ADH1B: variants seen among roughly 807,000 people sequenced by gnomAD.
ADH1B encodes all-trans-retinol dehydrogenase [NAD(+)] ADH1B.
In ADH1B, 29 loss-of-function variants were observed where a neutral mutation model predicts 34.6. The ratio of observed to expected loss-of-function variants is 0.84; its 90% CI spans 0.62 to 1.14. The LOEUF is 1.14. ADH1B is among the 50% of genes most tolerant of loss of function. ADH1B has a pLI of 0.00. For synonymous variants in ADH1B, 170 were observed against 175.5 expected (o/e 0.97, Z 0.25); for missense variants, 424 against 468.4 (o/e 0.91, Z 0.87).
chr4:99,308,244 T>C (rs994508353), intron 8 of ADH1B, among the ~76,000 whole-genome samples: 4 of 151,778 alleles, frequency 2.6e-5, no homozygotes, highest in African/African-American at 9.7e-5. Context: ...TCTTCGTGCA[T>C]TTTCTTAAAC....
Position 99,315,919 on chromosome 4 carries a change from C to A in ADH1B, c.546G>T (p.Gly182=). 1 of 1,614,202 alleles carries A rather than the reference C, an allele frequency of 6.2e-7. No individual in the cohort carries two copies. The highest frequency in any genetic ancestry group is 8.5e-7 in the Non-Finnish European group (1 of 1,180,034). The change falls in exon 5 of 9, where the codon GGG becomes GGT. Residue 182 remains glycine, a synonymous_variant. Transcript: ENST00000305046. ...LIGCGFSTGY[G]SAVNVAKVTP... is the part of the protein sequence containing the mutation. ...TCACCTTGGCAACGTTAACTGCAGA[C>A]CCATAACCAGTCGAGAATCCACAGC...
chr4:99,307,883 G>C lies in ADH1B; in HGVS notation c.1104-19C>G, dbSNP rs1326980024. 6.2e-7 allele frequency: 1 copy of C among 1,613,818 alleles called. No individual in the cohort carries two copies. Among genetic ancestry groups the C allele is most frequent in the Non-Finnish European group, 8.5e-7 (1 of 1,179,898 alleles). On this transcript the variant is annotated intron_variant, in intron 8 of 8. Transcript: ENST00000305046. ...ACGGATACTGCAATAGGAAAGAAGA[G>C]ACATTGTGTTAACATTTAGACAACC...
At chr4:99,318,435 CTT>C in intron 2 of ADH1B, 1 of 555,802 alleles carries the variant, frequency 1.8e-6, no homozygotes, top group Non-Finnish European at 3.0e-6. Flanking sequence ...ATATTTAAGT[CTT>C]ATGTAAGAAT....
At chr4:99,311,926 A>G (rs752728119) in intron 6 of ADH1B, among the ~76,000 whole-genome samples, 22 of 152,210 alleles carry the variant, frequency 1.4e-4, no homozygotes, top group Non-Finnish European at 2.8e-4. Context: ...CAGTACTTTC[A>G]ACCAGATATT....
intron 8 of ADH1B, among the ~76,000 whole-genome samples, chr4:99,309,601 T>C (rs1733698060): frequency 6.6e-6 from 1 of 152,188 alleles, no homozygotes; most frequent in Non-Finnish European, 1.5e-5. Context: ...GTAATAATAA[T>C]GACTGATAAC....
Position 99,307,852 on chromosome 4 carries a change from G to T in ADH1B, c.1116C>A (p.Val372=). The T allele has an allele frequency of 6.2e-7, 1 of 1,613,932 alleles. No individual in the cohort carries two copies. Among genetic ancestry groups the T allele is most frequent in the South Asian group, 1.1e-5 (1 of 91,066 alleles). ...LLHSGKSIRT[V]LTF is the part of the protein sequence containing the mutation. Reference sequence around the variant, plus strand: ...CATCTCTATTGCCTCAAAACGTCAGGACGGTACGGATACTGCAATAGGAAA... The same window carrying T: ...CATCTCTATTGCCTCAAAACGTCAGTACGGTACGGATACTGCAATAGGAAA... Residue 372 remains valine (V), a synonymous_variant, in exon 9 of 9, where the codon GTC becomes GTA. Coordinates refer to ENST00000305046, the MANE Select transcript of ADH1B (RefSeq NM_000668.6).
chr4:99,307,512 A>C lies in ADH1B; in HGVS notation c.*328T>G, dbSNP rs1733639574. 2.8e-6 allele frequency: 1 copy of C among 357,340 alleles called. No individual in the cohort carries two copies. Among genetic ancestry groups the C allele is most frequent in the Admixed American group, 4.6e-5 (1 of 21,668 alleles). 22.1% of individuals were successfully genotyped at this position (357,340 alleles called of 1,614,324 possible). A position where few individuals can be genotyped will look rare whatever the true frequency, so the allele number is the denominator to read the frequency against. ...CCCCTCCACTGGGATTCGATGACTAAAGATTATGAAGATACCAAAAATGCA... is the reference window on the plus strand; with the variant it reads ...CCCCTCCACTGGGATTCGATGACTACAGATTATGAAGATACCAAAAATGCA... On this transcript the variant is annotated 3_prime_UTR_variant, in exon 9 of 9. Coordinates refer to ENST00000305046, the MANE Select transcript of ADH1B (RefSeq NM_000668.6).
At chr4:99,318,690 G>A in intron 2 of ADH1B, 95 bp downstream of exon 2, 1 of 1,155,752 alleles carries the variant, frequency 8.7e-7, no homozygotes. Flanking sequence ...GATCATATAA[G>A]ATATGCCTCT....
Position 99,313,696 on chromosome 4 carries a change from C to A in ADH1B, c.828+125G>T, listed in dbSNP as rs867745365. The A allele has an allele frequency of 2.0e-5, 30 of 1,536,350 alleles. No homozygotes were observed. In the Middle Eastern group the frequency reaches 1.7e-3, roughly 89 times the overall value. The stretch of plus-strand genomic sequence containing the variant: ...AAAATTAAACAAGCCACATAACAAA[C>A]AGATGATGGGAAATTTCCATTCATC... On this transcript the variant is annotated intron_variant, in intron 6 of 8. Transcript: ENST00000305046.
chr4:99,318,741 GT>G (rs1733949051), intron 2 of ADH1B, 43 bp downstream of exon 2: 12 of 1,559,916 alleles, frequency 7.7e-6, no homozygotes, highest in African/African-American at 5.5e-5. Context: ...TGTTCTCTGA[GT>G]TTTTTAAATG....
At chr4:99,316,178 A>G in intron 4 of ADH1B, 37 bp downstream of exon 4, 2 of 1,614,060 alleles carry the variant, frequency 1.2e-6, no homozygotes, top group Non-Finnish European at 1.7e-6. Flanking sequence ...TAATGTGCAA[A>G]CTCAAAGTCT....
At position 99,314,087 on chromosome 4, in the gene ADH1B, T is replaced by C; in HGVS notation, c.568-6A>G. The C allele has an allele frequency of 6.2e-7, 1 of 1,611,648 alleles. No homozygotes were observed. Among genetic ancestry groups the C allele is most frequent in the Non-Finnish European group, 8.5e-7 (1 of 1,178,720 alleles). ...CAGGTAGAGCCTGGGGTGACCTGTG[T>C]TTTCAGAAAATGCAAAAATAGATTA... is the stretch of plus-strand genomic sequence containing the variant. On this transcript the variant is annotated splice_polypyrimidine_tract_variant and splice_region_variant and intron_variant, in intron 5 of 8. Transcript: ENST00000305046.
intron 8 of ADH1B, among the ~76,000 whole-genome samples, chr4:99,308,565 T>A (rs973522866): frequency 3.3e-5 from 5 of 152,028 alleles, no homozygotes; most frequent in Non-Finnish European, 7.4e-5. Flanking sequence ...TTCATTCTTG[T>A]GAAGATTACA....
chr4:99,319,827 T>A (rs1473352811), intron 1 of ADH1B: 1 of 152,146 alleles, frequency 6.6e-6, no homozygotes, highest in Non-Finnish European at 1.5e-5. Context: ...CAATTGAGAT[T>A]TATTTTTCTG....
In ADH1B at chr4:99,306,476, T is replaced by C. The variant is rs1370773479; in HGVS notation, c.*1364A>G. On this transcript the variant is annotated 3_prime_UTR_variant, in exon 9 of 9. Transcript: ENST00000305046. The stretch of plus-strand genomic sequence containing the variant: ...AAAGGATGAACAAGCTCAGAGAGCC[T>C]GAGAGACTTACTGAAGATCACACAG... 2 of 152,240 alleles carry C rather than the reference T, an allele frequency of 1.3e-5. No individual in the cohort carries two copies. The highest frequency in any genetic ancestry group is 3.8e-4 in the East Asian group (2 of 5,202). 9.4% of individuals were successfully genotyped at this position (152,240 alleles called of 1,614,324 possible). A position where few individuals can be genotyped will look rare whatever the true frequency, so the allele number is the denominator to read the frequency against.
chr4:99,313,882 T>G lies in ADH1B; in HGVS notation c.767A>C (p.Lys256Thr). The G allele has an allele frequency of 6.2e-7, 1 of 1,614,094 alleles. No individual in the cohort carries two copies. The highest frequency in any genetic ancestry group is 2.2e-5 in the East Asian group (1 of 44,886). Residue 256 changes from lysine to threonine, a missense_variant, in exon 6 of 9, where the codon AAG becomes ACG. By Grantham distance (78) the Lys-to-Thr change is moderately conservative (BLOSUM62 -1). Transcript: ENST00000305046. The part of the protein sequence containing the change: ...DYKKPIQEVL[K>T]EMTDGGVDFS... ...ATCCACACCTCCATCAGTCATTTCC[T>G]TTAGCACTTCCTGAATGGGTTTCTT... is the stretch of plus-strand genomic sequence containing the variant.
rs1397418697 is a variant in ADH1B, at chr4:99,318,046, C to T, written c.259G>A (p.Gly87Ser). The stretch of plus-strand genomic sequence containing the variant: ...TGTTCCCTGAGTGTGAATCCTGTAC[C>T]TGGTTTGACTGTAGTCACCCCTTCT... ...VGEGVTTVKPGDKVIPLFTPQ... is the reference protein window; with the variant it reads ...VGEGVTTVKPSDKVIPLFTPQ... Residue 87 changes from glycine (G) to serine (S), a missense_variant and splice_region_variant, in exon 3 of 9, where the codon GGT becomes AGT. Coordinates refer to ENST00000305046, the MANE Select transcript of ADH1B (RefSeq NM_000668.6). 13 of 1,613,830 alleles carry T rather than the reference C, an allele frequency of 8.1e-6. No homozygotes were observed. Among genetic ancestry groups the T allele is most frequent in the Non-Finnish European group, 1.1e-5 (13 of 1,179,938 alleles).
chr4:99,310,756 A>G lies in ADH1B; in HGVS notation c.1103+9T>C. On this transcript the variant is annotated intron_variant, in intron 8 of 8. Coordinates refer to ENST00000305046, the MANE Select transcript of ADH1B (RefSeq NM_000668.6). Reference sequence around the variant, plus strand: ...AAAAAGCAAAACAGAAAACTAACTTAAAATCTACCTTTTCCCAGAGTGAAG... The same window carrying G: ...AAAAAGCAAAACAGAAAACTAACTTGAAATCTACCTTTTCCCAGAGTGAAG... The G allele has an allele frequency of 6.2e-7, 1 of 1,602,040 alleles. No individual in the cohort carries two copies. Among genetic ancestry groups the G allele is most frequent in the Non-Finnish European group, 8.5e-7 (1 of 1,176,918 alleles).
At position 99,311,579 on chromosome 4, in the gene ADH1B, G is replaced by C. The variant is rs199889857; in HGVS notation, c.906C>G (p.Leu302=). 1.2e-6 allele frequency: 2 copies of C among 1,614,056 alleles called. No individual in the cohort carries two copies. The highest frequency in any genetic ancestry group is 1.7e-6 in the Non-Finnish European group (2 of 1,179,966). ...IVGVPPASQN[L]SINPMLLLTG... is the part of the protein sequence containing the mutation. ...TCAGTAGCAGCATAGGGTTTATTGA[G>C]AGGTTCTGGGAAGCAGGAGGTACCC... Residue 302 remains leucine (L), a synonymous_variant, in exon 7 of 9, where the codon CTC becomes CTG. Coordinates refer to ENST00000305046, the MANE Select transcript of ADH1B (RefSeq NM_000668.6).
Sources: allele counts gnomAD v4.1 joint callset (sites outside exome capture counted in the v4.1 genomes callset), GRCh38; gene constraint gnomAD v4.1.1; transcripts MANE v1.5; gene names NCBI Gene and HGNC (gene_info 2026-07-23, HGNC 2026-07-21).